NBAS: variants seen among roughly 807,000 people sequenced by gnomAD.
NBAS encodes the protein NBAS subunit of NRZ tethering complex.
A neutral mutation model predicts 302.5 loss-of-function variants in NBAS; 219 were observed. That is an observed-to-expected ratio of 0.72 (90% CI 0.65 to 0.81). The LOEUF is 0.81. Among genes scored for constraint, NBAS ranks in the 30% least tolerant of loss-of-function variants. NBAS has a pLI of 0.00. For missense variants in NBAS, 2,932 were observed against 2,841.6 expected (o/e 1.03, Z -0.72); for synonymous variants, 1,118 against 1,021.6 (o/e 1.09, Z -1.80).
chr2:14,849,105 G>C, the NBAS span, among the ~76,000 whole-genome samples: 1 of 147,536 alleles, frequency 6.8e-6, no homozygotes, highest in Non-Finnish European at 1.5e-5. Context: ...AGAGAAGAAG[G>C]CTTCAGACGA....
At position 15,415,466 on chromosome 2, in the gene NBAS, A is replaced by G; in HGVS notation, c.2937+80T>C. ...TAAAGGGAAATTATCTGCAAAGCCT[A>G]CCATAAAAATTGTATAAATAAAACC... On this transcript the variant is annotated intron_variant, in intron 25 of 51. Transcript: ENST00000281513. 2.4e-6 allele frequency: 3 copies of G among 1,262,764 alleles called. No homozygotes were observed. The South Asian group carries it at 3.7e-5, about 16-fold the overall frequency. 78.2% of individuals were successfully genotyped at this position (1,262,764 alleles called of 1,614,324 possible). A position where few individuals can be genotyped will look rare whatever the true frequency, so the allele number is the denominator to read the frequency against.
In NBAS at chr2:15,186,216, G is replaced by T. The variant is rs565587540; in HGVS notation, c.6711+526C>A. Among the ~76,000 whole-genome samples the T allele has an allele frequency of 3.3e-5, 5 of 151,274 alleles. No homozygotes were observed. The South Asian group carries it at 1.0e-3, about 32-fold the overall frequency. On this transcript the variant is annotated intron_variant, in intron 50 of 51. Coordinates refer to ENST00000281513, the MANE Select transcript of NBAS (RefSeq NM_015909.4). ...TAAAATATATATGTATATAATAAAT[G>T]TCTCTGTGACAGTCAAAATGGCATC...
intron 46 of NBAS, 33 bp from the exon 47 acceptor site, chr2:15,232,544 G>A (rs1667424516): frequency 1.3e-6 from 2 of 1,593,128 alleles, no homozygotes. Flanking sequence ...ATTCAGAAAA[G>A]GATCACTCAA....
intron 50 of NBAS, among the ~76,000 whole-genome samples, chr2:15,185,012 A>G (rs778275725): frequency 6.6e-6 from 1 of 152,246 alleles, no homozygotes; most frequent in Non-Finnish European, 1.5e-5. Flanking sequence ...GAAAACTGAC[A>G]GTAACATTTA....
the NBAS span, among the ~76,000 whole-genome samples, chr2:14,780,857 T>A: frequency 6.6e-6 from 1 of 152,190 alleles, no homozygotes; most frequent in Non-Finnish European, 1.5e-5. Flanking sequence ...AAAACTTGCA[T>A]TTTCTTTCTT....
At chr2:15,269,971 G>A (rs1042076089) in intron 44 of NBAS, among the ~76,000 whole-genome samples, 1 of 152,106 alleles carries the variant, frequency 6.6e-6, no homozygotes, top group Admixed American at 6.5e-5. Flanking sequence ...TTCACCTACT[G>A]CAACCAAAAC....
chr2:15,117,378 C>A, the NBAS span, among the ~76,000 whole-genome samples: 2 of 152,204 alleles, frequency 1.3e-5, no homozygotes, highest in African/African-American at 4.8e-5. Flanking sequence ...GACCTTGCTG[C>A]TCACCTGTGG....
At chr2:15,012,689 T>A in the NBAS span, among the ~76,000 whole-genome samples, 36 of 152,114 alleles carry the variant, frequency 2.4e-4, no homozygotes, top group African/African-American at 8.2e-4. Context: ...TCCATATTAG[T>A]CTAACAGTGA....
intron 15 of NBAS, 119 bp downstream of exon 15, chr2:15,473,948 C>T (rs936409616): frequency 1.7e-6 from 2 of 1,203,142 alleles, no homozygotes; most frequent in Non-Finnish European, 2.4e-6. Flanking sequence ...ATATTTTTAA[C>T]ATGTCAATGA....
the NBAS span, among the ~76,000 whole-genome samples, chr2:15,106,057 A>T: frequency 6.6e-6 from 1 of 152,192 alleles, no homozygotes; most frequent in South Asian, 2.1e-4. Flanking sequence ...AAGTTAAATC[A>T]GTCGATAAAC....
At chr2:15,474,461 G>A in intron 14 of NBAS, 137 bp from the exon 15 acceptor site, 1 of 866,488 alleles carries the variant, frequency 1.2e-6, no homozygotes, top group Non-Finnish European at 1.7e-6. Flanking sequence ...ATTAACAATG[G>A]AACTCAAAGG....
the NBAS span, among the ~76,000 whole-genome samples, chr2:15,145,713 A>G: frequency 2.6e-5 from 4 of 152,126 alleles, no homozygotes; most frequent in African/African-American, 9.7e-5. Context: ...TACTCCAAAC[A>G]GGAGCTTCTC....
the NBAS span, among the ~76,000 whole-genome samples, chr2:14,998,254 A>G: frequency 2.0e-5 from 3 of 152,362 alleles, no homozygotes; most frequent in Middle Eastern, 3.4e-3. Context: ...CATAAAAAAA[A>G]GAAAATGGAT....
the NBAS span, among the ~76,000 whole-genome samples, chr2:15,022,460 T>C: frequency 0.77 from 117,234 of 151,980 alleles, 45,483 homozygotes; most frequent in East Asian, 1. Flanking sequence ...GAGTCTAGGT[T>C]TTTCTACTTA....
At chr2:14,929,564 T>C in the NBAS span, among the ~76,000 whole-genome samples, 1 of 151,828 alleles carries the variant, frequency 6.6e-6, no homozygotes, top group Admixed American at 6.6e-5. Context: ...TTTTAGTAGA[T>C]ACAGGGTTTC....
intron 42 of NBAS, among the ~76,000 whole-genome samples, chr2:15,283,233 T>G (rs1354260601): frequency 6.6e-6 from 1 of 152,134 alleles, no homozygotes; most frequent in Non-Finnish European, 1.5e-5. Flanking sequence ...TGACCCTGTG[T>G]CCAAAACTGA....
At chr2:14,784,965 T>C in the NBAS span, among the ~76,000 whole-genome samples, 2 of 152,218 alleles carry the variant, frequency 1.3e-5, no homozygotes, top group African/African-American at 4.8e-5. Flanking sequence ...GGAATGTTCT[T>C]CCATTTCTTT....
intron 11 of NBAS, among the ~76,000 whole-genome samples, chr2:15,502,705 C>A (rs11682246): frequency 0.56 from 84,821 of 152,064 alleles, 24,347 homozygotes; most frequent in Middle Eastern, 0.62. Flanking sequence ...AGTGAGTGTG[C>A]GAGTGAGTGG....
intron 12 of NBAS, among the ~76,000 whole-genome samples, chr2:15,482,273 G>A (rs966260141): frequency 1.3e-5 from 2 of 151,920 alleles, no homozygotes; most frequent in African/African-American, 4.8e-5. Flanking sequence ...TGGGAATATG[G>A]GCACACGCCA....
Sources: gnomAD v4.1 joint callset for allele counts (sites outside exome capture counted in the v4.1 genomes callset) on GRCh38, gnomAD v4.1.1 for gene constraint, MANE v1.5 for transcripts, NCBI Gene and HGNC (gene_info 2026-07-23, HGNC 2026-07-21) for gene names.